The following TOP6BL variants were observed in gnomAD, a reference collection of about 807,000 sequenced individuals.
The protein encoded by TOP6BL is type 2 DNA topoisomerase 6 subunit B-like.
At chr11:66,819,897 CT>C in the TOP6BL span, among the ~76,000 whole-genome samples, 1,509 of 99,654 alleles carry the variant, frequency 0.015, 34 homozygotes, top group African/African-American at 0.055. Flanking sequence ...GAGCAAAACT[CT>C]TGTCTTAAAA....
At chr11:66,828,357 T>G in the TOP6BL span, 4 of 1,610,088 alleles carry the variant, frequency 2.5e-6, no homozygotes, top group African/African-American at 5.3e-5. Context: ...TCATGTGAGG[T>G]GAAGCAGGTA....
At chr11:66,748,608 T>A in the TOP6BL span, 1 of 1,024,496 alleles carries the variant, frequency 9.8e-7, no homozygotes, top group African/African-American at 1.6e-5. Context: ...TCTTTTATCA[T>A]GTTATTCCAG....
At chr11:66,842,963 G>T in the TOP6BL span, 2 of 1,551,810 alleles carry the variant, frequency 1.3e-6, no homozygotes, top group East Asian at 2.4e-5. Flanking sequence ...GCCCCGCGCC[G>T]CCCGGAAGCC....
chr11:66,802,521 C>T, the TOP6BL span, among the ~76,000 whole-genome samples: 3 of 151,962 alleles, frequency 2.0e-5, no homozygotes, highest in Admixed American at 1.3e-4. Context: ...TGGTGTCAAA[C>T]TCCTGGACTC....
the TOP6BL span, among the ~76,000 whole-genome samples, chr11:66,833,671 G>C: frequency 2.6e-5 from 4 of 152,142 alleles, no homozygotes; most frequent in Admixed American, 1.3e-4. Flanking sequence ...ATCTGGGCCA[G>C]GTGCGGTGGC....
chr11:66,832,715 C>G, the TOP6BL span, among the ~76,000 whole-genome samples: 2 of 152,254 alleles, frequency 1.3e-5, no homozygotes, highest in Non-Finnish European at 2.9e-5. Flanking sequence ...TTCCCTCGGA[C>G]TTGGAAAGCC....
chr11:66,821,722 C>G, the TOP6BL span: 1 of 1,613,440 alleles, frequency 6.2e-7, no homozygotes, highest in East Asian at 2.2e-5. Context: ...CCATCCAATT[C>G]ACTGTGGACA....
the TOP6BL span, among the ~76,000 whole-genome samples, chr11:66,745,340 A>G: frequency 6.7e-5 from 10 of 150,054 alleles, no homozygotes; most frequent in African/African-American, 2.5e-4. Flanking sequence ...GCCAGGACAG[A>G]GGCAAGGAGG....
chr11:66,786,932 G>GT, the TOP6BL span, among the ~76,000 whole-genome samples: 18 of 140,526 alleles, frequency 1.3e-4, no homozygotes, highest in Admixed American at 5.6e-4. Flanking sequence ...TACAATTTTT[G>GT]TTTTGTTTTT....
chr11:66,783,956 G>C, the TOP6BL span, among the ~76,000 whole-genome samples: 8 of 152,162 alleles, frequency 5.3e-5, no homozygotes, highest in East Asian at 1.5e-3. Context: ...CCTCTGAATA[G>C]TTGGGACTAG....
chr11:66,750,740 C>G, the TOP6BL span, among the ~76,000 whole-genome samples: 1 of 151,478 alleles, frequency 6.6e-6, no homozygotes, highest in Admixed American at 6.6e-5. Flanking sequence ...CACTCTGTCA[C>G]CCAGGCTGGA....
At chr11:66,826,827 C>A in the TOP6BL span, among the ~76,000 whole-genome samples, 1 of 151,782 alleles carries the variant, frequency 6.6e-6, no homozygotes, top group East Asian at 1.9e-4. Context: ...GGATTACAGG[C>A]ATGTGCCACC....
the TOP6BL span, among the ~76,000 whole-genome samples, chr11:66,814,655 C>G: frequency 6.6e-6 from 1 of 152,090 alleles, no homozygotes; most frequent in Non-Finnish European, 1.5e-5. Context: ...CAGAGGATTT[C>G]TAATGTACCT....
the TOP6BL span, among the ~76,000 whole-genome samples, chr11:66,778,209 T>G: frequency 2.6e-5 from 4 of 151,946 alleles, no homozygotes; most frequent in African/African-American, 9.7e-5. Context: ...GCCTTCTCCA[T>G]GTCTTTAGGG....
chr11:66,818,726 A>T, the TOP6BL span, among the ~76,000 whole-genome samples: 1 of 152,186 alleles, frequency 6.6e-6, no homozygotes, highest in Admixed American at 6.6e-5. Context: ...AAGACTTAAG[A>T]TCTGCTACCT....
chr11:66,832,217 C>T, the TOP6BL span, among the ~76,000 whole-genome samples: 3 of 151,644 alleles, frequency 2.0e-5, no homozygotes, highest in East Asian at 5.9e-4. Context: ...CCTGCCTCAG[C>T]CTCCTGAGTA....
chr11:66,816,842 T>A, the TOP6BL span, among the ~76,000 whole-genome samples: 1 of 152,116 alleles, frequency 6.6e-6, no homozygotes, highest in Non-Finnish European at 1.5e-5. Flanking sequence ...CATCCCCAAG[T>A]GCTTGTCAGT....
At chr11:66,811,223 A>G in the TOP6BL span, among the ~76,000 whole-genome samples, 412 of 152,170 alleles carry the variant, frequency 2.7e-3, 2 homozygotes, top group Non-Finnish European at 4.8e-3. Flanking sequence ...GCTGGAGTGC[A>G]GTGGTGTGAT....
At chr11:66,822,598 C>A in the TOP6BL span, 1 of 1,552,922 alleles carries the variant, frequency 6.4e-7, no homozygotes, top group Non-Finnish European at 8.7e-7. Context: ...CTCTCAGTGG[C>A]TGTGAACTCC....
Sources: gnomAD v4.1 joint callset for allele counts (sites outside exome capture counted in the v4.1 genomes callset) on GRCh38, gnomAD v4.1.1 for gene constraint, MANE v1.5 for transcripts, NCBI Gene and HGNC (gene_info 2026-07-23, HGNC 2026-07-21) for gene names.